ATXN7: variants seen among roughly 807,000 people sequenced by gnomAD.
ATXN7 encodes ataxin-7.
In ATXN7, 12 loss-of-function variants were observed where a neutral mutation model predicts 70.5. That is an observed-to-expected ratio of 0.17 (90% CI 0.11 to 0.28). The LOEUF (loss-of-function observed/expected upper bound fraction) is 0.28. Ranked by LOEUF, ATXN7 falls within the 10% of genes least tolerant of loss-of-function variation. ATXN7 has a pLI of 1.00. For missense variants in ATXN7, 1,256 were observed against 1,131.7 expected (o/e 1.11, Z -1.58); for synonymous variants, 498 against 448.7 (o/e 1.11, Z -1.39).
intron 1 of ATXN7, among the ~76,000 whole-genome samples, chr3:63,896,391 A>T (rs1703450358): frequency 6.6e-6 from 1 of 152,224 alleles, no homozygotes; most frequent in Admixed American, 6.5e-5. Flanking sequence ...AGTCTATTTA[A>T]AATGATTTCT....
intron 2 of ATXN7, among the ~76,000 whole-genome samples, chr3:63,907,289 C>G (rs1703867246): frequency 6.6e-6 from 1 of 151,922 alleles, no homozygotes; most frequent in Non-Finnish European, 1.5e-5. Flanking sequence ...GGCTGAGCCC[C>G]CAAAAATGGT....
At chr3:63,980,220 G>A in intron 6 of ATXN7, 53 bp downstream of exon 6, 3 of 1,605,610 alleles carry the variant, frequency 1.9e-6, no homozygotes, top group Non-Finnish European at 2.6e-6. Flanking sequence ...ATGAAACTGT[G>A]TACACTAGTG....
At chr3:63,911,104 C>T (rs1704000151) in intron 2 of ATXN7, among the ~76,000 whole-genome samples, 1 of 152,106 alleles carries the variant, frequency 6.6e-6, no homozygotes, top group Non-Finnish European at 1.5e-5. Flanking sequence ...GCATCTCTGA[C>T]ACACATTACA....
intron 4 of ATXN7, among the ~76,000 whole-genome samples, chr3:63,942,250 A>G (rs2074781443): frequency 1.3e-5 from 2 of 152,194 alleles, no homozygotes; most frequent in Non-Finnish European, 2.9e-5. Context: ...AAGAGCATGT[A>G]CTTTGGAGTA....
chr3:63,875,117 T>C (rs373908327), intron 1 of ATXN7, among the ~76,000 whole-genome samples: 1 of 152,092 alleles, frequency 6.6e-6, no homozygotes, highest in Non-Finnish European at 1.5e-5. Flanking sequence ...TTATTTTATT[T>C]ATTTTATTTT....
At chr3:63,916,923 A>G (rs1704292885) in intron 4 of ATXN7, among the ~76,000 whole-genome samples, 1 of 151,662 alleles carries the variant, frequency 6.6e-6, no homozygotes, top group South Asian at 2.1e-4. Flanking sequence ...TGTTGTTGTT[A>G]TTGTTGTTGA....
chr3:63,913,063 G>T (rs1704119628), intron 3 of ATXN7, 94 bp from the exon 4 acceptor site: 2 of 1,499,250 alleles, frequency 1.3e-6, no homozygotes, highest in African/African-American at 1.4e-5. Context: ...GAACGCGGAG[G>T]TGCCCACACC....
intron 4 of ATXN7, 82 bp downstream of exon 4, chr3:63,913,307 C>A (rs943303196): frequency 6.4e-6 from 9 of 1,395,608 alleles, no homozygotes; most frequent in South Asian, 1.2e-5. Context: ...GAACATCAGC[C>A]CACCATACCG....
At chr3:63,964,406 T>C (rs979616257) in intron 5 of ATXN7, among the ~76,000 whole-genome samples, 8 of 152,190 alleles carry the variant, frequency 5.3e-5, no homozygotes, top group African/African-American at 1.9e-4. Context: ...TGGCCAGTTT[T>C]GTTTCTGATC....
intron 5 of ATXN7, among the ~76,000 whole-genome samples, chr3:63,976,577 C>T (rs1333022112): frequency 6.6e-6 from 1 of 152,074 alleles, no homozygotes; most frequent in African/African-American, 2.4e-5. Flanking sequence ...AAGCTTTGAA[C>T]CTTGATTTTT....
intron 4 of ATXN7, among the ~76,000 whole-genome samples, chr3:63,915,438 A>C (rs996716025): frequency 1.3e-5 from 2 of 152,204 alleles, no homozygotes; most frequent in Non-Finnish European, 2.9e-5. Flanking sequence ...GATGTTCAGC[A>C]CTCACTCAGT....
At chr3:63,945,793 C>T (rs955651665) in intron 4 of ATXN7, among the ~76,000 whole-genome samples, 2 of 152,172 alleles carry the variant, frequency 1.3e-5, no homozygotes, top group African/African-American at 4.8e-5. Context: ...CTAGCCAAGT[C>T]TCTGGGGAAG....
chr3:63,997,480 A>C, intron 12 of ATXN7: 1 of 671,662 alleles, frequency 1.5e-6, no homozygotes, highest in Non-Finnish European at 2.6e-6. Context: ...TTCATAATTA[A>C]CCATGACTTT....
At chr3:63,985,141 A>G (rs2075553649) in intron 8 of ATXN7, among the ~76,000 whole-genome samples, 1 of 152,194 alleles carries the variant, frequency 6.6e-6, no homozygotes, top group African/African-American at 2.4e-5. Flanking sequence ...ATTTTGGATA[A>G]CTACCCAGAA....
In ATXN7 at chr3:63,920,983, T is replaced by G. The variant is rs543613307; in HGVS notation, c.394+7758T>G. On this transcript the variant is annotated intron_variant, in intron 4 of 12. Transcript: ENST00000674280. ...GTTCTAAGAAAAAGAAGCCTGTTAG[T>G]AGACTTAGCAGTTGGAGTTACTGTA... Among the ~76,000 whole-genome samples, 753 of 152,334 alleles carry G rather than the reference T, an allele frequency of 4.9e-3. 4 individuals are homozygous for G. Among genetic ancestry groups the G allele is most frequent in the Non-Finnish European group, 6.4e-3 (433 of 68,026 alleles).
intron 1 of ATXN7, among the ~76,000 whole-genome samples, chr3:63,870,667 G>A (rs1389689968): frequency 6.6e-6 from 1 of 152,102 alleles, no homozygotes; most frequent in African/African-American, 2.4e-5. Context: ...TTTTTGAAGG[G>A]AATCAGTGCT....
At chr3:63,962,908 C>CTTTTTTTTTTTTTTTTTT (rs71631179) in intron 5 of ATXN7, among the ~76,000 whole-genome samples, 1 of 136,344 alleles carries the variant, frequency 7.3e-6, no homozygotes. Context: ...TTTTGTATTT[C>CTTTTTTTTTTTTTTTTTT]TTTTTTTTTT....
At chr3:63,943,560 T>C (rs2074806582) in intron 4 of ATXN7, among the ~76,000 whole-genome samples, 1 of 152,176 alleles carries the variant, frequency 6.6e-6, no homozygotes, top group Non-Finnish European at 1.5e-5. Context: ...TTTACATATA[T>C]TCGTGTAGTC....
chr3:63,895,751 TTCTC>T (rs942648648), intron 1 of ATXN7, among the ~76,000 whole-genome samples: 2 of 151,488 alleles, frequency 1.3e-5, no homozygotes, highest in African/African-American at 2.4e-5. Context: ...CTCTCTCTCT[TTCTC>T]TCTTTTCTGT....
Sources: gnomAD v4.1 joint callset for allele counts (sites outside exome capture counted in the v4.1 genomes callset) on GRCh38, gnomAD v4.1.1 for gene constraint, MANE v1.5 for transcripts, NCBI Gene and HGNC (gene_info 2026-07-23, HGNC 2026-07-21) for gene names.